Variants in STX8 observed in about 807,000 individuals in gnomAD.
STX8 encodes syntaxin-8.
In STX8, 23 loss-of-function variants were observed where a neutral mutation model predicts 37.5. The observed-to-expected ratio is 0.61, with a 90% CI of 0.44 to 0.87. The LOEUF is 0.87. Among genes scored for constraint, STX8 ranks in the 40% least tolerant of loss-of-function variants. The pLI is 0.00. For synonymous variants in STX8, 115 were observed against 99.1 expected (o/e 1.16, Z -0.95); for missense variants, 313 against 284.7 (o/e 1.10, Z -0.71).
intron 7 of STX8, among the ~76,000 whole-genome samples, chr17:9,278,086 A>G (rs1907737503): frequency 6.6e-6 from 1 of 152,130 alleles, no homozygotes; most frequent in Non-Finnish European, 1.5e-5. Context: ...CTTTGAGAGA[A>G]CTATCCCAGC....
At chr17:9,453,069 G>C (rs1905091081) in intron 6 of STX8, among the ~76,000 whole-genome samples, 1 of 152,158 alleles carries the variant, frequency 6.6e-6, no homozygotes, top group Non-Finnish European at 1.5e-5. Context: ...GCCTCCCAAA[G>C]TGCTGGGATT....
At chr17:9,312,786 C>T (rs920184103) in intron 7 of STX8, among the ~76,000 whole-genome samples, 8 of 152,172 alleles carry the variant, frequency 5.3e-5, no homozygotes, top group Non-Finnish European at 1.2e-4. Context: ...TCCAGATGTA[C>T]TAACTCCACT....
At chr17:9,317,026 G>A (rs894769335) in intron 7 of STX8, among the ~76,000 whole-genome samples, 2 of 152,116 alleles carry the variant, frequency 1.3e-5, no homozygotes, top group South Asian at 2.1e-4. Flanking sequence ...ACGCACTAAG[G>A]TGTCTATAAG....
chr17:9,356,239 G>C (rs1274105089), intron 7 of STX8, among the ~76,000 whole-genome samples: 1 of 152,144 alleles, frequency 6.6e-6, no homozygotes, highest in East Asian at 1.9e-4. Context: ...TTAAAACAAT[G>C]TCTGCATTTT....
At chr17:9,339,002 C>G (rs1567789863) in intron 7 of STX8, among the ~76,000 whole-genome samples, 7 of 145,566 alleles carry the variant, frequency 4.8e-5, no homozygotes. Flanking sequence ...ACCCGGGAAG[C>G]GGAGCTTGCA....
chr17:9,449,374 C>G (rs1904959217), intron 6 of STX8, among the ~76,000 whole-genome samples: 1 of 152,208 alleles, frequency 6.6e-6, no homozygotes. Flanking sequence ...CCCTGGCTTA[C>G]ACGGCGAAAC....
rs185275786 is a variant in STX8, at chr17:9,441,407, T to C, written c.541+50422A>G. On this transcript the variant is annotated intron_variant, in intron 6 of 7. Coordinates refer to ENST00000306357, the MANE Select transcript of STX8 (RefSeq NM_004853.3). ...TGGGAGGCTGAGGCTGGAGAATCAC[T>C]TGAACCCAGGAGGCAGAGGTGGCAG... Among the ~76,000 whole-genome samples the C allele has an allele frequency of 4.8e-3, 723 of 151,282 alleles. 4 individuals carry two copies. The highest frequency in any genetic ancestry group is 0.016 in the African/African-American group (676 of 41,206).
intron 7 of STX8, among the ~76,000 whole-genome samples, chr17:9,368,532 C>T (rs1403691326): frequency 6.6e-6 from 1 of 152,068 alleles, no homozygotes; most frequent in Non-Finnish European, 1.5e-5. Flanking sequence ...TTGATGATCC[C>T]AACACCCAGC....
intron 6 of STX8, among the ~76,000 whole-genome samples, chr17:9,431,162 T>G (rs556823501): frequency 6.6e-6 from 1 of 151,538 alleles, no homozygotes; most frequent in East Asian, 2.0e-4. Flanking sequence ...AGCCTTTGGC[T>G]TGTTTTTTAA....
At chr17:9,356,982 T>A (rs924965902) in intron 7 of STX8, among the ~76,000 whole-genome samples, 1 of 148,986 alleles carries the variant, frequency 6.7e-6, no homozygotes, top group East Asian at 2.0e-4. Flanking sequence ...TTTTTTTTTT[T>A]TTTTAGGCAA....
intron 6 of STX8, among the ~76,000 whole-genome samples, chr17:9,387,010 C>T (rs1029872742): frequency 1.3e-5 from 2 of 151,552 alleles, no homozygotes; most frequent in African/African-American, 4.8e-5. Flanking sequence ...GCTGAAATTA[C>T]AGGCACCCCT....
At chr17:9,366,391 C>G (rs1042699765) in intron 7 of STX8, among the ~76,000 whole-genome samples, 5 of 152,184 alleles carry the variant, frequency 3.3e-5, no homozygotes, top group African/African-American at 1.2e-4. Context: ...ACCGCCATGC[C>G]TGGCTAATTT....
intron 4 of STX8, among the ~76,000 whole-genome samples, chr17:9,541,935 C>G (rs1304729890): frequency 2.6e-5 from 4 of 152,180 alleles, no homozygotes; most frequent in Admixed American, 6.5e-5. Context: ...TCTCCCCAGC[C>G]TTACTGCTGC....
At chr17:9,403,201 A>G (rs976593480) in intron 6 of STX8, among the ~76,000 whole-genome samples, 5 of 152,204 alleles carry the variant, frequency 3.3e-5, no homozygotes, top group East Asian at 1.9e-4. Context: ...TACAAACACC[A>G]TATCAATCTA....
intron 6 of STX8, among the ~76,000 whole-genome samples, chr17:9,435,349 T>C (rs553156320): frequency 1.3e-5 from 2 of 152,172 alleles, no homozygotes; most frequent in East Asian, 1.9e-4. Context: ...AGGATAAGCA[T>C]TAGCCATTAT....
chr17:9,474,945 C>G (rs1410044408), intron 6 of STX8, among the ~76,000 whole-genome samples: 1 of 152,132 alleles, frequency 6.6e-6, no homozygotes, highest in Non-Finnish European at 1.5e-5. Flanking sequence ...GCACTCCAGC[C>G]TGGGCGACAG....
intron 6 of STX8, among the ~76,000 whole-genome samples, chr17:9,459,632 T>TAAC (rs965383136): frequency 6.6e-6 from 1 of 152,114 alleles, no homozygotes; most frequent in African/African-American, 2.4e-5. Flanking sequence ...TCTCCTGCTT[T>TAAC]AACCTCCCGA....
intron 4 of STX8, among the ~76,000 whole-genome samples, chr17:9,520,950 T>C (rs965775373): frequency 6.6e-6 from 1 of 152,324 alleles, no homozygotes; most frequent in Non-Finnish European, 1.5e-5. Context: ...TGAGGGAAGA[T>C]ATTTCTGGGG....
At chr17:9,427,690 C>A (rs17808941) in intron 6 of STX8, among the ~76,000 whole-genome samples, 33,388 of 151,930 alleles carry the variant, frequency 0.22, 3,940 homozygotes, top group Middle Eastern at 0.29. Flanking sequence ...GGCTCACAGA[C>A]AGAGTGGAGT....
Sources: allele counts gnomAD v4.1 joint callset (sites outside exome capture counted in the v4.1 genomes callset), GRCh38; gene constraint gnomAD v4.1.1; transcripts MANE v1.5; gene names NCBI Gene and HGNC (gene_info 2026-07-23, HGNC 2026-07-21).